NFATC1: variants seen among roughly 807,000 people sequenced by gnomAD.
The protein encoded by NFATC1 is nuclear factor of activated T-cells, cytoplasmic 1.
A neutral mutation model predicts 76.0 loss-of-function variants in NFATC1; 22 were observed. The ratio of observed to expected loss-of-function variants is 0.29; its 90% CI spans 0.21 to 0.41. NFATC1 has a LOEUF of 0.41. NFATC1 is among the 10% of genes least tolerant of loss of function. The pLI is 1.00. For missense variants in NFATC1, 1,357 were observed against 1,337.7 expected, an observed-to-expected ratio of 1.01 and a Z score of -0.23; for synonymous variants, 704 against 613.1, an observed-to-expected ratio of 1.15 and a Z score of -2.19.
chr18:79,451,898 A>C, intron 6 of NFATC1, 82 bp downstream of exon 6: 1 of 1,502,452 alleles, frequency 6.7e-7, no homozygotes, highest in Non-Finnish European at 9.0e-7. Context: ...AGCAGGACCC[A>C]CCTGTGCACG....
chr18:79,491,335 A>G (rs1418717514), intron 9 of NFATC1, among the ~76,000 whole-genome samples: 1 of 152,118 alleles, frequency 6.6e-6, no homozygotes, highest in African/African-American at 2.4e-5. Context: ...GAGACGAGAG[A>G]CAGAAACAAC....
chr18:79,407,851 C>A (rs1223459834), intron 1 of NFATC1, among the ~76,000 whole-genome samples: 4 of 152,192 alleles, frequency 2.6e-5, no homozygotes, highest in Non-Finnish European at 5.9e-5. Flanking sequence ...GGGACTGGGG[C>A]CTGGCTAGCA....
At chr18:79,512,542 C>T (rs1159309824) in intron 9 of NFATC1, among the ~76,000 whole-genome samples, 1 of 152,218 alleles carries the variant, frequency 6.6e-6, no homozygotes, top group Non-Finnish European at 1.5e-5. Context: ...GGCAGTTGTG[C>T]GGCTGTGGAC....
intron 1 of NFATC1, among the ~76,000 whole-genome samples, chr18:79,403,849 G>A (rs1338531924): frequency 3.9e-5 from 6 of 152,252 alleles, no homozygotes; most frequent in African/African-American, 1.4e-4. Context: ...CTGGTCGGGG[G>A]CTGTGGCAGG....
chr18:79,448,952 C>A lies in NFATC1; in HGVS notation c.1557C>A (p.Ile519=), dbSNP rs191173939. ...TCTCCAACACCAAAGTCCTGGAGAT[C>A]CCACTCCTGCCGGAGAACAGCATGC... is the stretch of plus-strand genomic sequence containing the variant. ...AILSNTKVLE[I]PLLPENSMRA... The change falls in exon 4 of 10, where the codon ATC becomes ATA. Residue 519 remains isoleucine (I), a synonymous_variant. Transcript: ENST00000427363. 2.5e-4 allele frequency: 399 copies of A among 1,613,436 alleles called. 2 individuals are homozygous for A. The highest frequency in any genetic ancestry group is 3.1e-4 in the Non-Finnish European group (370 of 1,180,006).
intron 8 of NFATC1, among the ~76,000 whole-genome samples, chr18:79,473,901 CGTT>C (rs756281490): frequency 3.9e-4 from 56 of 143,336 alleles, no homozygotes; most frequent in Non-Finnish European, 7.5e-4. Context: ...TCACTGTCGA[CGTT>C]GTGAGGGAAG....
In NFATC1 at chr18:79,436,966, G is replaced by A. The variant is rs150161809; in HGVS notation, c.1386+3228G>A. On this transcript the variant is annotated intron_variant, in intron 3 of 9. Coordinates refer to ENST00000427363, the MANE Select transcript of NFATC1 (RefSeq NM_001278669.2). ...CCACATTGCCATGATCACACCGTCC[G>A]CACCCTGAGGCCACCCCCATTACGG... Among the ~76,000 whole-genome samples the A allele has an allele frequency of 9.7e-4, 148 of 152,258 alleles. 1 individual carries two copies. Among genetic ancestry groups the A allele is most frequent in the Middle Eastern group, 3.4e-3 (1 of 294 alleles).
Position 79,486,488 on chromosome 18 carries a change from A to G in NFATC1, c.2333A>G (p.Lys778Arg). ...LHDLSPAAYT[K>R]GVASPGHCHL... Reference sequence around the variant, plus strand: ...GACCTTTCTCCCGCTGCCTACACCAAGGGCGTTGCCAGCCCGGGCCACTGT... The same window carrying G: ...GACCTTTCTCCCGCTGCCTACACCAGGGGCGTTGCCAGCCCGGGCCACTGT... Residue 778 changes from lysine (K) to arginine (R), a missense_variant, in exon 9 of 10, where the codon AAG becomes AGG. Lys to Arg is a conservative substitution (Grantham distance 26). Around this residue, in one of 3 missense-constraint regions of NFATC1, gnomAD observed 424 missense variants for 395.4 expected, o/e 1.07. Coordinates refer to ENST00000427363, the MANE Select transcript of NFATC1 (RefSeq NM_001278669.2). 6.2e-7 allele frequency: 1 copy of G among 1,606,948 alleles called. No individual in the cohort carries two copies. Among genetic ancestry groups the G allele is most frequent in the Non-Finnish European group, 8.5e-7 (1 of 1,179,602 alleles).
chr18:79,396,270 C>T lies in NFATC1; in HGVS notation c.46C>T (p.Pro16Ser). The change falls in exon 1 of 10, where the codon CCT becomes TCT. Residue 16 changes from proline to serine, a missense_variant. By Grantham distance (74) the Pro-to-Ser change is moderately conservative. Around this residue, in one of 3 missense-constraint regions of NFATC1, gnomAD observed 691 missense variants for 613.1 expected, o/e 1.13. Coordinates refer to ENST00000427363, the MANE Select transcript of NFATC1 (RefSeq NM_001278669.2). ...AGTCCCTTCCAAGTTTCCACTTGGC[C>T]CTGCGGCTGCGGTCTTCGGGAGAGG... ...FPVPSKFPLGPAAAVFGRGET... is the reference protein window; with the variant it reads ...FPVPSKFPLGSAAAVFGRGET... 1 of 1,480,378 alleles carries T rather than the reference C, an allele frequency of 6.8e-7. No homozygotes were observed. Among genetic ancestry groups the T allele is most frequent in the Non-Finnish European group, 9.0e-7 (1 of 1,106,984 alleles). The allele number at this position is 1,480,378 out of a possible 1,614,324, so 91.7% of individuals were successfully genotyped here. A position where few individuals can be genotyped will look rare whatever the true frequency, so the allele number is the denominator to read the frequency against.
chr18:79,461,132 C>T (rs1385218819), intron 6 of NFATC1, among the ~76,000 whole-genome samples, 179 bp from the exon 7 acceptor site: 2 of 150,830 alleles, frequency 1.3e-5, no homozygotes, highest in Non-Finnish European at 3.0e-5. Context: ...GGGGCCCTGC[C>T]AGGGCACGTG....
intron 2 of NFATC1, chr18:79,421,925 C>T (rs1285340311): frequency 6.6e-6 from 1 of 152,276 alleles, no homozygotes; most frequent in Non-Finnish European, 1.5e-5. Context: ...CTCCAGGCGT[C>T]AGAGTCTGAG....
chr18:79,475,589 C>T (rs572344210), intron 8 of NFATC1, among the ~76,000 whole-genome samples: 1 of 151,182 alleles, frequency 6.6e-6, no homozygotes, highest in South Asian at 2.1e-4. Flanking sequence ...GCGAGGGAAG[C>T]GTGTTCTCAT....
chr18:79,415,819 T>C (rs2085857595), intron 2 of NFATC1, among the ~76,000 whole-genome samples: 1 of 151,602 alleles, frequency 6.6e-6, no homozygotes, highest in Admixed American at 6.6e-5. Flanking sequence ...CCCAGCACTT[T>C]GGGAGGCCGA....
intron 1 of NFATC1, among the ~76,000 whole-genome samples, chr18:79,407,937 C>G (rs1206211256): frequency 6.6e-6 from 1 of 152,180 alleles, no homozygotes; most frequent in African/African-American, 2.4e-5. Flanking sequence ...TCACCTCCCA[C>G]CCCTGAGAGC....
chr18:79,437,361 C>T (rs2086816270), intron 3 of NFATC1, among the ~76,000 whole-genome samples: 2 of 152,172 alleles, frequency 1.3e-5, no homozygotes, highest in Non-Finnish European at 2.9e-5. Context: ...TCTGGCCAGG[C>T]AGGGAGTGAC....
intron 9 of NFATC1, among the ~76,000 whole-genome samples, chr18:79,490,719 C>T (rs1254912806): frequency 6.6e-6 from 1 of 152,192 alleles, no homozygotes; most frequent in East Asian, 1.9e-4. Flanking sequence ...AGATGGGTCG[C>T]TGCCTGTCCT....
intron 9 of NFATC1, among the ~76,000 whole-genome samples, chr18:79,504,616 G>A (rs2090084302): frequency 6.6e-6 from 1 of 152,272 alleles, no homozygotes; most frequent in African/African-American, 2.4e-5. Flanking sequence ...TATGAAGTGG[G>A]CACCTGCTGT....
chr18:79,481,702 G>A (rs562901926), intron 8 of NFATC1, among the ~76,000 whole-genome samples: 61 of 152,392 alleles, frequency 4.0e-4, no homozygotes, highest in Non-Finnish European at 7.1e-4. Flanking sequence ...AGGCTTGAGC[G>A]TTGTCTTCAG....
intron 6 of NFATC1, among the ~76,000 whole-genome samples, chr18:79,453,674 G>A (rs936582100): frequency 2.0e-5 from 3 of 152,226 alleles, no homozygotes; most frequent in Non-Finnish European, 4.4e-5. Context: ...AGCACCAGCC[G>A]GCGTCTGGTA....
Sources: gnomAD v4.1 joint callset for allele counts (sites outside exome capture counted in the v4.1 genomes callset) on GRCh38, gnomAD v4.1.1 for gene constraint, gnomAD v4.1.1 regional missense constraint, MANE v1.5 for transcripts, NCBI Gene and HGNC (gene_info 2026-07-23, HGNC 2026-07-21) for gene names.